SLC17A1: variants seen among roughly 807,000 people sequenced by gnomAD.
The protein encoded by SLC17A1 is solute carrier family 17 member 1, also known as sodium-dependent phosphate transport protein 1.
SLC17A1 carries 51 observed loss-of-function variants against 53.5 expected under a neutral mutation model. The ratio of observed to expected loss-of-function variants is 0.95; its 90% CI spans 0.76 to 1.20. SLC17A1 has a LOEUF of 1.20. Among genes scored for constraint, SLC17A1 ranks in the 50% most tolerant of loss-of-function variants. The pLI is 0.00. For synonymous variants in SLC17A1, 179 were observed against 198.8 expected (o/e 0.90, Z 0.84); for missense variants, 538 against 568.2 (o/e 0.95, Z 0.54).
At chr6:25,727,487 G>C in the SLC17A1 span, among the ~76,000 whole-genome samples, 1 of 151,218 alleles carries the variant, frequency 6.6e-6, no homozygotes, top group Non-Finnish European at 1.5e-5. Flanking sequence ...TGCCTCCTGA[G>C]TTCACGCCAT....
At chr6:25,824,300 G>A (rs534443034) in intron 3 of SLC17A1, among the ~76,000 whole-genome samples, 1 of 151,856 alleles carries the variant, frequency 6.6e-6, no homozygotes, top group Non-Finnish European at 1.5e-5. Context: ...AAGACCATTA[G>A]AAAAGAATAA....
chr6:25,733,166 C>T, the SLC17A1 span, among the ~76,000 whole-genome samples: 1 of 152,066 alleles, frequency 6.6e-6, no homozygotes, highest in African/African-American at 2.4e-5. Context: ...ATAGCAGGCT[C>T]CTGGAAGGGA....
downstream of SLC17A1, chr6:25,777,983 C>T: frequency 6.2e-7 from 1 of 1,612,934 alleles, no homozygotes; most frequent in East Asian, 2.2e-5. Flanking sequence ...CTGGAGCCAT[C>T]TCTCCTACTG....
At chr6:25,726,757 A>G in the SLC17A1 span, 21 of 1,133,800 alleles carry the variant, frequency 1.9e-5, no homozygotes, top group Admixed American at 4.7e-5. Context: ...TAAATACCGC[A>G]TCTTTCATCC....
At chr6:25,727,113 A>G in the SLC17A1 span, 10 of 1,614,106 alleles carry the variant, frequency 6.2e-6, no homozygotes, top group Non-Finnish European at 8.5e-6. Flanking sequence ...TTCCTTCGTC[A>G]CTGATATCTT....
At chr6:25,739,341 A>G in the SLC17A1 span, among the ~76,000 whole-genome samples, 1 of 151,842 alleles carries the variant, frequency 6.6e-6, no homozygotes, top group Non-Finnish European at 1.5e-5. Context: ...CACTTATGAC[A>G]TAATTACATT....
chr6:25,739,652 C>T, the SLC17A1 span, among the ~76,000 whole-genome samples: 103 of 152,178 alleles, frequency 6.8e-4, no homozygotes, highest in African/African-American at 2.2e-3. Context: ...GAATGGACTT[C>T]TAGGAAATTA....
At chr6:25,806,861 A>G (rs192955311) in intron 10 of SLC17A1, among the ~76,000 whole-genome samples, 1 of 152,192 alleles carries the variant, frequency 6.6e-6, no homozygotes, top group African/African-American at 2.4e-5. Flanking sequence ...AAAGTGGGCA[A>G]TTGGCATGAA....
chr6:25,732,895 C>A, the SLC17A1 span: 1 of 247,600 alleles, frequency 4.0e-6, no homozygotes, highest in Non-Finnish European at 7.9e-6. Flanking sequence ...AAAACAAAAA[C>A]AAAAACAAAA....
At chr6:25,731,827 A>T in the SLC17A1 span, 12 of 1,602,216 alleles carry the variant, frequency 7.5e-6, no homozygotes, top group African/African-American at 1.6e-4. Flanking sequence ...GTGCCCTCCG[A>T]CACAACGTGC....
Position 25,810,753 on chromosome 6 carries a change from G to A in SLC17A1, c.1178+645C>T, listed in dbSNP as rs549222380. 2.0e-5 allele frequency among the ~76,000 whole-genome samples: 3 copies of A among 152,230 alleles called. No homozygotes were observed. The South Asian group carries it at 6.2e-4, about 32-fold the overall frequency. ...TGATCCAGCAATTCCACTCCTGGGTGTCTATCCAAAGGAAATGAAGTGAGA... is the reference window on the plus strand; with the variant it reads ...TGATCCAGCAATTCCACTCCTGGGTATCTATCCAAAGGAAATGAAGTGAGA... On this transcript the variant is annotated intron_variant, in intron 10 of 12. Transcript: ENST00000244527.
chr6:25,813,202 A>G lies in SLC17A1; in HGVS notation c.628T>C (p.Cys210Arg). Residue 210 changes from cysteine (C) to arginine (R), a missense_variant, in exon 7 of 13, where the codon TGT (cysteine) becomes CGT (arginine). Physicochemically the swap from Cys to Arg is radical, Grantham distance 180. Transcript: ENST00000244527. ...ACGAACCAGAGAAGACATACGGCAC[A>G]GCCACAAGCACCTATCAAAGCAGGG... ...MVFYIFGACG[C>R]AVCLLWFVLF... 1 of 1,613,990 alleles carries G rather than the reference A, an allele frequency of 6.2e-7. No homozygotes were observed. The highest frequency in any genetic ancestry group is 8.5e-7 in the Non-Finnish European group (1 of 1,179,810).
the SLC17A1 span, chr6:25,754,637 C>T: frequency 6.6e-6 from 1 of 152,122 alleles, no homozygotes; most frequent in South Asian, 2.1e-4. Flanking sequence ...AAAAATTAAA[C>T]CACTGGGCCA....
At chr6:25,830,024 C>T (rs574460943) in intron 2 of SLC17A1, among the ~76,000 whole-genome samples, 1 of 152,150 alleles carries the variant, frequency 6.6e-6, no homozygotes, top group Non-Finnish European at 1.5e-5. Context: ...TATCGCTCAT[C>T]TCCTTTTCTG....
chr6:25,731,712 T>C, the SLC17A1 span: 2 of 1,043,418 alleles, frequency 1.9e-6, no homozygotes, highest in Admixed American at 5.4e-5. Context: ...TCTACAGCCC[T>C]ATTAGAAACT....
At chr6:25,735,909 C>A in the SLC17A1 span, among the ~76,000 whole-genome samples, 1 of 152,098 alleles carries the variant, frequency 6.6e-6, no homozygotes, top group Admixed American at 6.6e-5. Context: ...GGGCATGCCA[C>A]CCAAGCTGAG....
chr6:25,778,675 T>C (rs1283924508), downstream of SLC17A1, among the ~76,000 whole-genome samples: 3 of 152,128 alleles, frequency 2.0e-5, no homozygotes. Context: ...ACATATTGAA[T>C]GGTAACAGGA....
At chr6:25,777,775 A>T in the SLC17A1 span, 5 of 618,444 alleles carry the variant, frequency 8.1e-6, no homozygotes, top group East Asian at 8.1e-5. Context: ...ACACAATTCC[A>T]GTCATCTCCA....
the SLC17A1 span, among the ~76,000 whole-genome samples, chr6:25,775,283 GAT>G: frequency 6.6e-6 from 1 of 150,690 alleles, no homozygotes; most frequent in Non-Finnish European, 1.5e-5. Context: ...AGTGAGCCGA[GAT>G]TATGACATTG....
Sources: gnomAD v4.1 joint callset for allele counts (sites outside exome capture counted in the v4.1 genomes callset) on GRCh38, gnomAD v4.1.1 for gene constraint, MANE v1.5 for transcripts, NCBI Gene and HGNC (gene_info 2026-07-23, HGNC 2026-07-21) for gene names.